Variants in PRPF3 observed in about 807,000 individuals in gnomAD.
PRPF3 encodes pre-mRNA processing factor 3, also known as U4/U6 small nuclear ribonucleoprotein Prp3.
A neutral mutation model predicts 89.2 loss-of-function variants in PRPF3; 3 were observed. The ratio of observed to expected loss-of-function variants is 0.03; its 90% confidence interval spans 0.02 to 0.09. The LOEUF (loss-of-function observed/expected upper bound fraction) is 0.09, where lower values mean the gene tolerates loss of function less well. PRPF3 is among the 10% of genes least tolerant of loss of function. PRPF3 has a pLI of 1.00. For synonymous variants in PRPF3, 270 were observed against 289.1 expected (o/e 0.93, Z 0.67); for missense variants, 463 against 828.8 (o/e 0.56, Z 5.42).
chr1:150,343,829 G>A (rs587656111), intron 10 of PRPF3, among the ~76,000 whole-genome samples: 8 of 152,180 alleles, frequency 5.3e-5, no homozygotes, highest in South Asian at 2.1e-4. Context: ...TTACATTCTC[G>A]TTCAGCAGTA....
chr1:150,347,243 C>T (rs1015969858), intron 14 of PRPF3, among the ~76,000 whole-genome samples: 8 of 133,350 alleles, frequency 6.0e-5, no homozygotes, highest in African/African-American at 1.7e-4. Context: ...TTTCTTTTGT[C>T]TGATATATAT....
rs587698102 is a variant in PRPF3 at position 150,334,681 on chromosome 1, C to T, written c.729-254C>T. ...CTCAACTTCCTGGGCTCAAGTGATC[C>T]TCCTCAACCTCCTGAGTAGGTGGGA... is the stretch of plus-strand genomic sequence containing the variant. On this transcript the variant is annotated intron_variant, in intron 6 of 15. Transcript: ENST00000324862. Among the ~76,000 whole-genome samples, 91 of 152,122 alleles carry T rather than the reference C, an allele frequency of 6.0e-4. 1 individual carries two copies. Among genetic ancestry groups the T allele is most frequent in the South Asian group, 2.1e-4 (1 of 4,814 alleles).
At chr1:150,333,279 G>A in intron 6 of PRPF3, 80 bp downstream of exon 6, 1 of 1,474,730 alleles carries the variant, frequency 6.8e-7, no homozygotes, top group Non-Finnish European at 9.3e-7. Flanking sequence ...TACTGATCTG[G>A]CTGGGCGCAG....
chr1:150,321,975 C>T (rs1418936664), intron 1 of PRPF3, among the ~76,000 whole-genome samples: 1 of 152,080 alleles, frequency 6.6e-6, no homozygotes, highest in Non-Finnish European at 1.5e-5. Flanking sequence ...GATTCTGCTG[C>T]CTGCTCATTG....
intron 9 of PRPF3, among the ~76,000 whole-genome samples, chr1:150,341,219 T>C (rs1032895207): frequency 1.3e-5 from 2 of 151,826 alleles, no homozygotes; most frequent in African/African-American, 4.8e-5. Flanking sequence ...CTCAGCTTGC[T>C]CCTTTTATAG....
intron 15 of PRPF3, among the ~76,000 whole-genome samples, chr1:150,351,956 A>C (rs587642778): frequency 6.6e-6 from 1 of 152,286 alleles, no homozygotes; most frequent in Admixed American, 6.5e-5. Context: ...TCATGTTCAG[A>C]AATAAGCCAA....
intron 12 of PRPF3, among the ~76,000 whole-genome samples, chr1:150,345,226 G>A (rs951434147): frequency 2.6e-5 from 4 of 151,956 alleles, no homozygotes; most frequent in Non-Finnish European, 4.4e-5. Context: ...TACTCAAAAT[G>A]TCTCCTTTCT....
intron 12 of PRPF3, among the ~76,000 whole-genome samples, chr1:150,345,312 T>C (rs1452072963): frequency 1.3e-5 from 2 of 151,970 alleles, no homozygotes; most frequent in East Asian, 3.8e-4. Context: ...CTAGAAAATT[T>C]TCATGCCTAT....
chr1:150,351,881 A>G (rs1343910320), intron 15 of PRPF3, among the ~76,000 whole-genome samples: 3 of 151,936 alleles, frequency 2.0e-5, no homozygotes, highest in African/African-American at 7.3e-5. Flanking sequence ...ACTTACTGAA[A>G]AAGTCCCGGC....
intron 8 of PRPF3, 151 bp from the exon 9 acceptor site, chr1:150,340,247 T>A: frequency 1.5e-6 from 1 of 653,904 alleles, no homozygotes; most frequent in East Asian, 2.8e-5. Context: ...GTAATTTAAC[T>A]ATATATTTTA....
chr1:150,349,088 T>G (rs1658626871), intron 14 of PRPF3, 69 bp from the exon 15 acceptor site: 2 of 1,243,750 alleles, frequency 1.6e-6, no homozygotes, highest in South Asian at 2.4e-5. Context: ...AGAGTTTGGG[T>G]AGACTTGAAT....
At chr1:150,349,043 T>C in intron 14 of PRPF3, 114 bp from the exon 15 acceptor site, 1 of 882,306 alleles carries the variant, frequency 1.1e-6, no homozygotes, top group African/African-American at 1.6e-5. Flanking sequence ...AGAGAACACT[T>C]GGTCCAACAC....
rs201590000 is a variant in PRPF3 at position 150,352,849 on chromosome 1, G to A, written c.1922G>A (p.Arg641Gln). The A allele has an allele frequency of 9.3e-6, 15 of 1,613,968 alleles. No individual in the cohort carries two copies. Among genetic ancestry groups the A allele is most frequent in the African/African-American group, 1.3e-5 (1 of 74,904 alleles). The change falls in exon 16 of 16, where the codon CGG (arginine) becomes CAG (glutamine). Residue 641 changes from arginine to glutamine, a missense_variant. Around this residue, in one of 8 missense-constraint regions of PRPF3, gnomAD observed 78 missense variants for 96.6 expected, o/e 0.81. Coordinates refer to ENST00000324862, the MANE Select transcript of PRPF3 (RefSeq NM_004698.4). The part of the protein sequence containing the change: ...VLVWEGTAKD[R>Q]SFGEMKFKQC... ...CTTTTCTAGGGTACAGCCAAAGACC[G>A]GAGCTTTGGAGAGATGAAGTTTAAA...
chr1:150,328,430 T>A lies in PRPF3; in HGVS notation c.387T>A (p.Pro129=). ...AAGAGCCAGAGGTGATCCCTGGGCCTCCATCAGAGAGCCCTGGCATGCTGA... is the reference window on the plus strand; with the variant it reads ...AAGAGCCAGAGGTGATCCCTGGGCCACCATCAGAGAGCCCTGGCATGCTGA... ...VEEEPEVIPG[P]PSESPGMLTK... is the part of the protein sequence containing the mutation. Residue 129 remains proline, a synonymous_variant, in exon 4 of 16, where the codon CCT becomes CCA. Coordinates refer to ENST00000324862, the MANE Select transcript of PRPF3 (RefSeq NM_004698.4). The A allele has an allele frequency of 6.2e-7, 1 of 1,613,806 alleles. No homozygotes were observed. The highest frequency in any genetic ancestry group is 8.5e-7 in the Non-Finnish European group (1 of 1,179,984).
chr1:150,334,067 G>T (rs1325493863), intron 6 of PRPF3, among the ~76,000 whole-genome samples: 3 of 152,130 alleles, frequency 2.0e-5, no homozygotes, highest in African/African-American at 7.2e-5. Context: ...CACTTTGGGA[G>T]GCCGAGACTG....
At chr1:150,345,961 A>C in intron 12 of PRPF3, 57 bp from the exon 13 acceptor site, 2 of 1,361,006 alleles carry the variant, frequency 1.5e-6, no homozygotes, top group Non-Finnish European at 2.1e-6. Context: ...TTGCCACTCC[A>C]TTCAGGCAGC....
Position 150,325,763 on chromosome 1 carries a change from C to T in PRPF3, c.158C>T (p.Pro53Leu). The part of the protein sequence containing the change: ...DKKKAADHLK[P>L]FLDDSTLRFV... ...TTCTTCCTGTCAGATCATCTGAAAC[C>T]TTTTCTTGATGATTCTACTCTCCGA... Residue 53 changes from proline (P) to leucine (L), a missense_variant, in exon 3 of 16, where the codon CCT becomes CTT. Pro to Leu is a moderately conservative substitution (Grantham distance 98). Coordinates refer to ENST00000324862, the MANE Select transcript of PRPF3 (RefSeq NM_004698.4). 1 of 1,613,030 alleles carries T rather than the reference C, an allele frequency of 6.2e-7. No individual in the cohort carries two copies. The highest frequency in any genetic ancestry group is 1.1e-5 in the South Asian group (1 of 91,022).
rs587677141 is a variant in PRPF3, at chr1:150,331,876, G to A, written c.424-808G>A. ...CTAGGGAGCAGGTCTTTGCACCATC[G>A]TCTCTTGTTTCCCAAACTAGTAGTT... On this transcript the variant is annotated intron_variant, in intron 4 of 15. Transcript: ENST00000324862. Among the ~76,000 whole-genome samples, 134 of 152,184 alleles carry A rather than the reference G, an allele frequency of 8.8e-4. 1 individual carries two copies. Among genetic ancestry groups the A allele is most frequent in the African/African-American group, 3.2e-3 (131 of 41,518 alleles).
rs1659103597 is a variant in PRPF3 at position 150,353,049 on chromosome 1, C to A, written c.*70C>A. The A allele has an allele frequency of 1.9e-6, 3 of 1,587,352 alleles. No homozygotes were observed. The Admixed American group carries it at 5.0e-5, about 26-fold the overall frequency. On this transcript the variant is annotated 3_prime_UTR_variant, in exon 16 of 16. Coordinates refer to ENST00000324862, the MANE Select transcript of PRPF3 (RefSeq NM_004698.4). Reference sequence around the variant, plus strand: ...CAGTCCTCTCACTTATTCTATTTCCCAACCCCCTCCCACTTGTTTGTGTGA... The same window carrying A: ...CAGTCCTCTCACTTATTCTATTTCCAAACCCCCTCCCACTTGTTTGTGTGA...
Sources: allele counts gnomAD v4.1 joint callset (sites outside exome capture counted in the v4.1 genomes callset), GRCh38; gene constraint gnomAD v4.1.1; regional missense constraint gnomAD v4.1.1; transcripts MANE v1.5; gene names NCBI Gene and HGNC (gene_info 2026-07-23, HGNC 2026-07-21).